The following SIPA1L3 variants were observed in gnomAD, a reference collection of about 807,000 sequenced individuals.
The protein encoded by SIPA1L3 is signal induced proliferation associated 1 like 3.
Under a neutral mutation model 150.1 loss-of-function variants are expected in SIPA1L3, and 59 were observed. The observed-to-expected ratio is 0.39, with a 90% CI of 0.32 to 0.49. The LOEUF (loss-of-function observed/expected upper bound fraction) is 0.49, where lower values mean the gene tolerates loss of function less well. SIPA1L3 is among the 20% of genes least tolerant of loss of function. SIPA1L3 has a pLI of 0.86. For synonymous variants in SIPA1L3, 1,070 were observed against 1,077.6 expected (o/e 0.99, Z 0.14); for missense variants, 2,211 against 2,489.5 (o/e 0.89, Z 2.38).
At chr19:38,007,563 A>T (rs1257861691) in intron 1 of SIPA1L3, among the ~76,000 whole-genome samples, 1 of 151,886 alleles carries the variant, frequency 6.6e-6, no homozygotes, top group African/African-American at 2.4e-5. Context: ...TGAAGATTCC[A>T]ATGCCAGTCA....
intron 20 of SIPA1L3, among the ~76,000 whole-genome samples, chr19:38,203,098 G>A (rs974747280): frequency 6.6e-6 from 1 of 152,170 alleles, no homozygotes; most frequent in Admixed American, 6.5e-5. Flanking sequence ...AGCAATTTTT[G>A]AGGGTAATTT....
chr19:38,053,917 A>ATTGCTT (rs1479330789), intron 2 of SIPA1L3, among the ~76,000 whole-genome samples: 52 of 150,354 alleles, frequency 3.5e-4, no homozygotes, highest in Non-Finnish European at 5.5e-4. Context: ...GGTTTTTGCC[A>ATTGCTT]TCGAAAGCAA....
chr19:38,169,018 A>G (rs189499785), intron 15 of SIPA1L3, among the ~76,000 whole-genome samples: 1 of 152,128 alleles, frequency 6.6e-6, no homozygotes, highest in Non-Finnish European at 1.5e-5. Flanking sequence ...TAGGAAAAAG[A>G]GTTTGCAACT....
intron 1 of SIPA1L3, among the ~76,000 whole-genome samples, chr19:38,018,051 A>T (rs1282069957): frequency 6.6e-6 from 1 of 150,770 alleles, no homozygotes; most frequent in African/African-American, 2.4e-5. Context: ...TTCTTTGAAC[A>T]GACTCATGTA....
chr19:37,912,198 C>G (rs113780766), intron 1 of SIPA1L3, among the ~76,000 whole-genome samples: 1 of 151,694 alleles, frequency 6.6e-6, no homozygotes, highest in African/African-American at 2.4e-5. Context: ...GATTGTACCA[C>G]TGCACTCTAG....
chr19:38,059,337 C>A (rs1336869913), intron 2 of SIPA1L3, among the ~76,000 whole-genome samples: 1 of 120,128 alleles, frequency 8.3e-6, no homozygotes, highest in Non-Finnish European at 1.7e-5. Flanking sequence ...TTTTTTGAGA[C>A]GGAGTCTCGC....
intron 12 of SIPA1L3, among the ~76,000 whole-genome samples, chr19:38,151,411 T>G (rs1269544474): frequency 6.6e-6 from 1 of 152,200 alleles, no homozygotes; most frequent in African/African-American, 2.4e-5. Flanking sequence ...CTATGAGCGC[T>G]GGTCACATGA....
At chr19:38,091,492 A>G (rs1458887389) in intron 4 of SIPA1L3, among the ~76,000 whole-genome samples, 2 of 152,218 alleles carry the variant, frequency 1.3e-5, no homozygotes, top group African/African-American at 4.8e-5. Context: ...TATACCTTTT[A>G]TATCTATTAA....
intron 6 of SIPA1L3, among the ~76,000 whole-genome samples, chr19:38,104,377 C>A (rs554893815): frequency 6.6e-6 from 1 of 152,154 alleles, no homozygotes; most frequent in South Asian, 2.1e-4. Context: ...GTAATAATTG[C>A]GCTTATCTTG....
chr19:38,121,694 C>G (rs557529254), intron 9 of SIPA1L3, among the ~76,000 whole-genome samples: 3 of 151,486 alleles, frequency 2.0e-5, no homozygotes, highest in East Asian at 3.9e-4. Flanking sequence ...AGCCGAGACC[C>G]TGCCACTGCA....
In SIPA1L3 at chr19:38,050,598, G is replaced by A. The variant is rs745479478; in HGVS notation, c.-311+21442G>A. On this transcript the variant is annotated intron_variant, in intron 2 of 21. Coordinates refer to ENST00000222345, the MANE Select transcript of SIPA1L3 (RefSeq NM_015073.3). ...TTGTATCCTTTCACTTTCAATGCAC[G>A]TCAGAATGGCTCTGCCTGTGGAGGA... is the stretch of plus-strand genomic sequence containing the variant. Among the ~76,000 whole-genome samples the A allele has an allele frequency of 3.3e-5, 5 of 152,222 alleles. No individual in the cohort carries two copies. The East Asian group carries it at 5.8e-4, about 18-fold the overall frequency.
Position 38,099,955 on chromosome 19 carries a change from T to G in SIPA1L3, c.1666-7T>G. On this transcript the variant is annotated splice_region_variant and splice_polypyrimidine_tract_variant and intron_variant, in intron 4 of 21. Transcript: ENST00000222345. ...CCCCCTAACCTTCCCTTCTCTCCCT[T>G]GAGTAGCTCATCACCCTGCGGGGCT... 6.3e-7 allele frequency: 1 copy of G among 1,593,442 alleles called. No homozygotes were observed. The highest frequency in any genetic ancestry group is 8.5e-7 in the Non-Finnish European group (1 of 1,173,404).
intron 15 of SIPA1L3, among the ~76,000 whole-genome samples, chr19:38,172,122 C>T (rs561731718): frequency 3.3e-5 from 5 of 152,172 alleles, no homozygotes; most frequent in South Asian, 4.2e-4. Context: ...CATGGGAGGA[C>T]GTGGGCCTGA....
intron 16 of SIPA1L3, among the ~76,000 whole-genome samples, chr19:38,187,842 C>G (rs1483936653): frequency 6.7e-6 from 1 of 149,312 alleles, no homozygotes; most frequent in Admixed American, 6.7e-5. Context: ...TACGAAAATA[C>G]AAAAATTAGC....
intron 1 of SIPA1L3, among the ~76,000 whole-genome samples, chr19:37,953,695 C>T (rs1296811807): frequency 1.3e-5 from 2 of 152,162 alleles, no homozygotes; most frequent in African/African-American, 2.4e-5. Flanking sequence ...TTTTGAGGCC[C>T]CTGAAAGCTG....
chr19:37,957,866 CA>C (rs1568479084), intron 1 of SIPA1L3, among the ~76,000 whole-genome samples: 1 of 146,772 alleles, frequency 6.8e-6, no homozygotes, highest in African/African-American at 2.6e-5. Context: ...CATGCATCAC[CA>C]TGCCTGGCTA....
chr19:37,934,385 G>A (rs1472895353), intron 1 of SIPA1L3, among the ~76,000 whole-genome samples: 1 of 152,180 alleles, frequency 6.6e-6, no homozygotes, highest in African/African-American at 2.4e-5. Context: ...TCCCAGTGCG[G>A]GAGTTTGGGG....
intron 3 of SIPA1L3, among the ~76,000 whole-genome samples, chr19:38,085,158 T>A (rs772576347): frequency 2.6e-5 from 4 of 151,936 alleles, no homozygotes; most frequent in African/African-American, 4.8e-5. Flanking sequence ...ACAAACAGAA[T>A]GACACAGAGA....
chr19:38,084,449 A>G (rs1237366459), intron 3 of SIPA1L3, among the ~76,000 whole-genome samples: 2 of 151,178 alleles, frequency 1.3e-5, no homozygotes, highest in Non-Finnish European at 2.9e-5. Flanking sequence ...CGGTCCAACT[A>G]CTTGCACTTA....
Sources: gnomAD v4.1 joint callset for allele counts (sites outside exome capture counted in the v4.1 genomes callset) on GRCh38, gnomAD v4.1.1 for gene constraint, MANE v1.5 for transcripts, NCBI Gene and HGNC (gene_info 2026-07-23, HGNC 2026-07-21) for gene names.